The following C12orf54 variants were observed in gnomAD, a reference collection of about 807,000 sequenced individuals.
The protein encoded by C12orf54 is chromosome 12 open reading frame 54, also known as uncharacterized protein C12orf54.
Under a neutral mutation model 26.4 loss-of-function variants are expected in C12orf54, and 24 were observed. The observed-to-expected ratio is 0.91, with a 90% CI of 0.66 to 1.28. The LOEUF (loss-of-function observed/expected upper bound fraction) is 1.28. C12orf54 is among the 50% of genes most tolerant of loss of function. The pLI, the probability that C12orf54 is intolerant of heterozygous loss-of-function variation, is 0.00. For missense variants in C12orf54, 154 were observed against 150.9 expected (o/e 1.02, Z -0.11); for synonymous variants, 54 against 47.0 (o/e 1.15, Z -0.61).
chr12:48,429,411 C>CA, the C12orf54 span, among the ~76,000 whole-genome samples: 1 of 151,700 alleles, frequency 6.6e-6, no homozygotes, highest in Non-Finnish European at 1.5e-5. Context: ...CTGTTTACCT[C>CA]AAAAACCCTA....
At chr12:48,454,919 G>T in the C12orf54 span, among the ~76,000 whole-genome samples, 2 of 152,304 alleles carry the variant, frequency 1.3e-5, no homozygotes, top group Non-Finnish European at 2.9e-5. Flanking sequence ...ACTACTGCAA[G>T]TTTCTTCAAA....
the C12orf54 span, among the ~76,000 whole-genome samples, chr12:48,435,717 A>G: frequency 6.6e-6 from 1 of 152,150 alleles, no homozygotes; most frequent in African/African-American, 2.4e-5. Context: ...ATGCTGAGAG[A>G]TTTTGTCACC....
At chr12:48,492,197 G>T (rs574863117) in intron 6 of C12orf54, among the ~76,000 whole-genome samples, 1 of 152,246 alleles carries the variant, frequency 6.6e-6, no homozygotes, top group South Asian at 2.1e-4. Context: ...AACGGAGTTC[G>T]TTAAGGGTAC....
rs539326852 is a variant in C12orf54, at chr12:48,486,426, A to G, written c.96+218A>G. 164 of 624,834 alleles carry G rather than the reference A, an allele frequency of 2.6e-4. 1 individual carries two copies. In the South Asian group the frequency reaches 3.2e-3, roughly 12 times the overall value. The allele number at this position is 624,834 out of a possible 1,614,324, so 38.7% of individuals were successfully genotyped here. A position where few individuals can be genotyped will look rare whatever the true frequency, so the allele number is the denominator to read the frequency against. On this transcript the variant is annotated intron_variant, in intron 3 of 8. Coordinates refer to ENST00000548364, the MANE Select transcript of C12orf54 (RefSeq NM_152319.4). The stretch of plus-strand genomic sequence containing the variant: ...GATGACTAAAGGGGCAGGCAGGCTT[A>G]CAGGCATTGAAAAGATGGTAAACAA...
chr12:48,491,738 G>A (rs1937794499), intron 6 of C12orf54, among the ~76,000 whole-genome samples: 1 of 152,116 alleles, frequency 6.6e-6, no homozygotes, highest in South Asian at 2.1e-4. Flanking sequence ...ATACCCAGGA[G>A]CCTAGAATTA....
At chr12:48,453,045 T>C in the C12orf54 span, among the ~76,000 whole-genome samples, 1 of 152,162 alleles carries the variant, frequency 6.6e-6, no homozygotes, top group South Asian at 2.1e-4. Context: ...CACATGTCTG[T>C]TCACTGAAGC....
intron 4 of C12orf54, chr12:48,487,732 CTT>C (rs5798074): frequency 0.34 from 93,480 of 272,596 alleles, 16,695 homozygotes; most frequent in Non-Finnish European, 0.37. Flanking sequence ...CATATGTACT[CTT>C]ATATACAAAT....
chr12:48,434,238 G>T, the C12orf54 span, among the ~76,000 whole-genome samples: 194 of 152,332 alleles, frequency 1.3e-3, no homozygotes, highest in African/African-American at 4.5e-3. Context: ...ATTGCCCAGG[G>T]TTGAGTAGGT....
At chr12:48,418,480 G>A in the C12orf54 span, among the ~76,000 whole-genome samples, 1 of 152,196 alleles carries the variant, frequency 6.6e-6, no homozygotes, top group African/African-American at 2.4e-5. Context: ...ACATGTGAGG[G>A]GATAAAGGAA....
chr12:48,468,813 T>A, the C12orf54 span, among the ~76,000 whole-genome samples: 1 of 152,234 alleles, frequency 6.6e-6, no homozygotes, highest in South Asian at 2.1e-4. Flanking sequence ...CAGTTCTTTT[T>A]TATTTTCCCT....
chr12:48,460,789 A>T, the C12orf54 span, among the ~76,000 whole-genome samples: 2 of 152,254 alleles, frequency 1.3e-5, no homozygotes, highest in African/African-American at 2.4e-5. Context: ...ACACAGATGT[A>T]GTTATACCTA....
At chr12:48,475,156 G>C in the C12orf54 span, among the ~76,000 whole-genome samples, 2 of 152,188 alleles carry the variant, frequency 1.3e-5, no homozygotes, top group Non-Finnish European at 2.9e-5. Flanking sequence ...TGCACCTCTA[G>C]CAAACTCCAA....
At chr12:48,486,476 C>T in intron 3 of C12orf54, 1 of 632,278 alleles carries the variant, frequency 1.6e-6, no homozygotes, top group Admixed American at 2.8e-5. Flanking sequence ...ACCTGTCATG[C>T]ACCAGCTAGA....
At chr12:48,482,948 G>A (rs200433984) in intron 1 of C12orf54, among the ~76,000 whole-genome samples, 12 of 144,568 alleles carry the variant, frequency 8.3e-5, no homozygotes, top group Non-Finnish European at 4.5e-5. Flanking sequence ...TTTTTTTTTC[G>A]TCTACTTCCT....
chr12:48,436,459 T>G, the C12orf54 span, among the ~76,000 whole-genome samples: 41 of 152,250 alleles, frequency 2.7e-4, no homozygotes, highest in East Asian at 7.7e-3. Context: ...AATATACATT[T>G]TTTTCAGCAC....
the C12orf54 span, among the ~76,000 whole-genome samples, chr12:48,467,449 C>T: frequency 6.6e-6 from 1 of 152,104 alleles, no homozygotes; most frequent in Non-Finnish European, 1.5e-5. Flanking sequence ...GAATACTACT[C>T]AGCAATGAAA....
the C12orf54 span, among the ~76,000 whole-genome samples, chr12:48,456,199 C>T: frequency 2.0e-3 from 306 of 152,246 alleles, 7 homozygotes; most frequent in East Asian, 0.056. Context: ...GTATTGGGCC[C>T]TGGGTATATA....
chr12:48,447,007 AGT>A, the C12orf54 span, among the ~76,000 whole-genome samples: 2 of 152,184 alleles, frequency 1.3e-5, no homozygotes, highest in African/African-American at 4.8e-5. Context: ...ATTTTCTCTT[AGT>A]GCAAGTCTTT....
rs545906641 is a variant in C12orf54 at position 48,487,088 on chromosome 12, G to T, written c.135+362G>T. On this transcript the variant is annotated intron_variant, in intron 4 of 8. Coordinates refer to ENST00000548364, the MANE Select transcript of C12orf54 (RefSeq NM_152319.4). ...TCAATTCACAAACATAAAAATGCCA[G>T]GTTTCACTTTATAGTTGAAGGGTAT... Among the ~76,000 whole-genome samples the T allele has an allele frequency of 2.0e-5, 3 of 152,286 alleles. No individual in the cohort carries two copies. The South Asian group carries it at 6.2e-4, about 32-fold the overall frequency.
Sources: allele counts gnomAD v4.1 joint callset (sites outside exome capture counted in the v4.1 genomes callset), GRCh38; gene constraint gnomAD v4.1.1; transcripts MANE v1.5; gene names NCBI Gene and HGNC (gene_info 2026-07-23, HGNC 2026-07-21).